OPCML: variants seen among roughly 807,000 people sequenced by gnomAD.
The protein encoded by OPCML is opioid binding protein/cell adhesion molecule like.
Under a neutral mutation model 37.8 loss-of-function variants are expected in OPCML, and 13 were observed. That is an observed-to-expected ratio of 0.34 (90% CI 0.22 to 0.55). The LOEUF is 0.55. OPCML is among the 20% of genes least tolerant of loss of function. The pLI is 0.91. For synonymous variants in OPCML, 176 were observed against 168.8 expected, an observed-to-expected ratio of 1.04 and a Z score of -0.33; for missense variants, 341 against 435.6, an observed-to-expected ratio of 0.78 and a Z score of 1.93.
intron 2 of OPCML, among the ~76,000 whole-genome samples, chr11:132,933,716 AAGAT>A (rs1239706808): frequency 6.6e-6 from 1 of 152,216 alleles, no homozygotes; most frequent in African/African-American, 2.4e-5. Context: ...CTGAGAATGC[AAGAT>A]AGATAGAAGA....
chr11:133,114,186 C>G (rs977969190), intron 1 of OPCML, among the ~76,000 whole-genome samples: 8 of 152,150 alleles, frequency 5.3e-5, no homozygotes, highest in African/African-American at 1.7e-4. Flanking sequence ...ACATCACTGC[C>G]TGGGCCTCCC....
chr11:132,704,797 T>G (rs1435564417), intron 2 of OPCML, among the ~76,000 whole-genome samples: 1 of 152,244 alleles, frequency 6.6e-6, no homozygotes, highest in Non-Finnish European at 1.5e-5. Context: ...ATAGTCATTC[T>G]ACAGAAAATA....
chr11:133,179,230 AATAAT>A (rs1937706286), intron 1 of OPCML, among the ~76,000 whole-genome samples: 1 of 152,238 alleles, frequency 6.6e-6, no homozygotes, highest in African/African-American at 2.4e-5. Flanking sequence ...GAAATTAAAA[AATAAT>A]ATAAATAAAA....
intron 3 of OPCML, among the ~76,000 whole-genome samples, chr11:132,656,066 A>T (rs1241590337): frequency 6.6e-6 from 1 of 152,174 alleles, no homozygotes; most frequent in Non-Finnish European, 1.5e-5. Context: ...GATATCTGCA[A>T]ACGAGGCTCT....
chr11:133,084,383 T>G (rs1948787862), intron 1 of OPCML, among the ~76,000 whole-genome samples: 8 of 152,252 alleles, frequency 5.3e-5, no homozygotes. Context: ...AGGTCAATTT[T>G]CAAATTCAAG....
At chr11:133,422,395 G>GTATATATATATATATATATATATA (rs1592283188) in intron 1 of OPCML, 1 of 788,802 alleles carries the variant, frequency 1.3e-6, no homozygotes, top group African/African-American at 3.1e-5. Context: ...ATATATATAT[G>GTATATATATATATATATATATATA]TATATATGCG....
intron 1 of OPCML, among the ~76,000 whole-genome samples, chr11:133,527,242 C>T (rs1431031977): frequency 1.3e-5 from 2 of 152,204 alleles, no homozygotes; most frequent in South Asian, 2.1e-4. Flanking sequence ...ACCAAATATA[C>T]CACAAAGCAA....
chr11:132,706,524 G>C (rs1050924571), intron 2 of OPCML, among the ~76,000 whole-genome samples: 1 of 152,176 alleles, frequency 6.6e-6, no homozygotes, highest in Non-Finnish European at 1.5e-5. Flanking sequence ...GTTGCCTGAA[G>C]AAAAGATGTG....
At chr11:133,459,994 G>A in intron 1 of OPCML, among the ~76,000 whole-genome samples, 1 of 152,042 alleles carries the variant, frequency 6.6e-6, no homozygotes, top group East Asian at 1.9e-4. Context: ...TTAATACATT[G>A]TAAAAGAATT....
chr11:132,581,047 C>A lies in OPCML; in HGVS notation c.380-51861G>T, dbSNP rs750687324. 5.3e-4 allele frequency among the ~76,000 whole-genome samples: 81 copies of A among 152,068 alleles called. 2 individuals are homozygous for A. Among genetic ancestry groups the A allele is most frequent in the Non-Finnish European group, 5.9e-5 (4 of 68,030 alleles). ...GGTCTAGATGACTACACATCTGGAG[C>A]AACAGCATTTTCAGTCTTTAAAAGG... On this transcript the variant is annotated intron_variant, in intron 3 of 7. Transcript: ENST00000524381.
rs180759165 is a variant in OPCML, at chr11:132,709,044, A to G, written c.147-51725T>C. On this transcript the variant is annotated intron_variant, in intron 2 of 7. Transcript: ENST00000524381. ...CAGGTATTTAATAAACTTAAAGGGA[A>G]TTTCACCAGTTGTCATTTCTCTTCT... Among the ~76,000 whole-genome samples, 38 of 152,252 alleles carry G rather than the reference A, an allele frequency of 2.5e-4. 1 individual carries two copies. The highest frequency in any genetic ancestry group is 8.7e-4 in the African/African-American group (36 of 41,568).
At chr11:133,058,429 C>T (rs1948279418) in intron 1 of OPCML, among the ~76,000 whole-genome samples, 1 of 152,196 alleles carries the variant, frequency 6.6e-6, no homozygotes, top group Non-Finnish European at 1.5e-5. Flanking sequence ...CATCCTGATA[C>T]ACACAGAGAC....
chr11:133,072,070 C>T (rs575025453), intron 1 of OPCML, among the ~76,000 whole-genome samples: 19 of 152,200 alleles, frequency 1.2e-4, no homozygotes, highest in Non-Finnish European at 2.5e-4. Context: ...TACTCAGACT[C>T]GGGCCACATG....
At chr11:132,821,514 T>A (rs901806423) in intron 2 of OPCML, among the ~76,000 whole-genome samples, 7 of 152,200 alleles carry the variant, frequency 4.6e-5, no homozygotes, top group Non-Finnish European at 4.4e-5. Flanking sequence ...TCTGATTCCC[T>A]CCTGGAAAGA....
chr11:132,791,684 A>C (rs938022372), intron 2 of OPCML, among the ~76,000 whole-genome samples: 1 of 152,072 alleles, frequency 6.6e-6, no homozygotes, highest in African/African-American at 2.4e-5. Flanking sequence ...CTGTGCATGC[A>C]CTCGGCTGCC....
chr11:133,437,546 C>G (rs943925644), intron 1 of OPCML, among the ~76,000 whole-genome samples: 1 of 152,098 alleles, frequency 6.6e-6, no homozygotes, highest in South Asian at 2.1e-4. Context: ...TCTTCCCTTC[C>G]GCTTTGAATG....
chr11:132,706,554 G>A (rs1235986057), intron 2 of OPCML, among the ~76,000 whole-genome samples: 1 of 152,170 alleles, frequency 6.6e-6, no homozygotes, highest in Non-Finnish European at 1.5e-5. Flanking sequence ...AAGTGCAGAA[G>A]TCAACCCTCT....
chr11:133,399,465 C>T (rs191015344), intron 1 of OPCML, among the ~76,000 whole-genome samples: 142 of 152,266 alleles, frequency 9.3e-4, no homozygotes, highest in African/African-American at 3.3e-3. Flanking sequence ...GAATGCCAGC[C>T]GCCAGCCTCC....
chr11:132,978,980 C>T (rs1211371491), intron 1 of OPCML, among the ~76,000 whole-genome samples: 1 of 152,186 alleles, frequency 6.6e-6, no homozygotes. Context: ...ACAGCCCCCA[C>T]ATGTTTCACA....
Sources: gnomAD v4.1 joint callset for allele counts (sites outside exome capture counted in the v4.1 genomes callset) on GRCh38, gnomAD v4.1.1 for gene constraint, MANE v1.5 for transcripts, NCBI Gene and HGNC (gene_info 2026-07-23, HGNC 2026-07-21) for gene names.